CEP170: variants seen among roughly 807,000 people sequenced by gnomAD.
CEP170 encodes centrosomal protein 170.
CEP170 carries 21 observed loss-of-function variants against 151.9 expected under a neutral mutation model. That is an observed-to-expected ratio of 0.14 (90% CI 0.10 to 0.20). CEP170 has a LOEUF of 0.20. CEP170 is among the 10% of genes least tolerant of loss of function. The pLI is 1.00. For synonymous variants in CEP170, 356 were observed against 648.8 expected, an observed-to-expected ratio of 0.55 and a Z score of 6.86; for missense variants, 964 against 1,892.9, an observed-to-expected ratio of 0.51 and a Z score of 9.11.
chr1:243,180,757 G>A (rs909370237), intron 10 of CEP170, among the ~76,000 whole-genome samples: 1 of 152,184 alleles, frequency 6.6e-6, no homozygotes, highest in African/African-American at 2.4e-5. Flanking sequence ...TTCTTGAGCT[G>A]TTTGACTCAC....
intron 1 of CEP170, among the ~76,000 whole-genome samples, chr1:243,243,863 CATACACAAATGCCCTACCCCCAAAAGGA>C (rs1293235654): frequency 6.6e-6 from 1 of 152,080 alleles, no homozygotes; most frequent in Non-Finnish European, 1.5e-5. Context: ...CACACACACA[CATACACAAATGCCCTACCCCCAAAAGGA>C]ATAACTCAAT....
chr1:243,160,772 GAA>G (rs933656230), intron 13 of CEP170, among the ~76,000 whole-genome samples: 14 of 152,310 alleles, frequency 9.2e-5, no homozygotes, highest in African/African-American at 3.4e-4. Context: ...TTGACCTGGA[GAA>G]AGAGTTAACT....
intron 13 of CEP170, among the ~76,000 whole-genome samples, chr1:243,159,421 A>C (rs913176531): frequency 6.6e-6 from 1 of 152,222 alleles, no homozygotes; most frequent in African/African-American, 2.4e-5. Flanking sequence ...TTCTCAAAGA[A>C]TTTATTTCAA....
chr1:243,215,444 C>T (rs991728538), intron 3 of CEP170, among the ~76,000 whole-genome samples: 2 of 152,104 alleles, frequency 1.3e-5, no homozygotes, highest in African/African-American at 2.4e-5. Flanking sequence ...AAAGAGAATG[C>T]GTTCCTAGTG....
In CEP170 at chr1:243,191,375, G is replaced by T; in HGVS notation, c.751C>A (p.Pro251Thr). 6.2e-7 allele frequency: 1 copy of T among 1,602,558 alleles called. No homozygotes were observed. Among genetic ancestry groups the T allele is most frequent in the Non-Finnish European group, 8.5e-7 (1 of 1,174,160 alleles). The change falls in exon 8 of 20, where the codon CCA becomes ACA. Residue 251 changes from proline to threonine, a missense_variant. Coordinates refer to ENST00000366542, the MANE Select transcript of CEP170 (RefSeq NM_014812.3). ...ATAGTGCTTTCTGTTATTTGTGATG[G>T]TTGCTGGAATTCTTTTGTAGGGATT... ...FEIPTKEFQQ[P>T]SQITESTIHE... is the part of the protein sequence containing the mutation.
chr1:243,148,944 T>G (rs1326527988), intron 14 of CEP170, among the ~76,000 whole-genome samples: 1 of 152,036 alleles, frequency 6.6e-6, no homozygotes, highest in Non-Finnish European at 1.5e-5. Flanking sequence ...CCACAAAAGA[T>G]TTAGGATGGG....
chr1:243,243,273 C>T (rs2065037935), intron 1 of CEP170, among the ~76,000 whole-genome samples: 1 of 151,942 alleles, frequency 6.6e-6, no homozygotes. Context: ...AAAGCAAGGG[C>T]TCTCATTTTT....
chr1:243,163,201 C>T (rs1335751525), intron 13 of CEP170: 2 of 152,092 alleles, frequency 1.3e-5, no homozygotes, highest in South Asian at 4.1e-4. Context: ...TAGATGTAAA[C>T]CAATCAAAAA....
chr1:243,248,910 T>C (rs2065670272), intron 1 of CEP170, among the ~76,000 whole-genome samples: 2 of 152,078 alleles, frequency 1.3e-5, no homozygotes, highest in African/African-American at 2.4e-5. Flanking sequence ...CTTATCCCAT[T>C]CCTGCCTCAG....
intron 17 of CEP170, chr1:243,135,715 A>C (rs1469800871): frequency 6.4e-6 from 1 of 155,410 alleles, no homozygotes; most frequent in African/African-American, 2.4e-5. Context: ...AGAATACTTT[A>C]ATTTTCAAAT....
rs1339015023 is a variant in CEP170, at chr1:243,135,968, A to C, written c.4319+175T>G. 1.7e-5 allele frequency: 13 copies of C among 747,182 alleles called. No homozygotes were observed. The South Asian group carries it at 1.9e-4, about 11-fold the overall frequency. The allele number at this position is 747,182 out of a possible 1,614,324, so 46.3% of individuals were successfully genotyped here. On this transcript the variant is annotated intron_variant, in intron 17 of 19. Transcript: ENST00000366542. ...TTGAATAAAATCTGTAAGTCTATTT[A>C]TGTTTTGAATTACTAATAAATTTAA... is the stretch of plus-strand genomic sequence containing the variant.
Position 243,242,307 on chromosome 1 carries a change from C to T in CEP170, c.-42+12733G>A, listed in dbSNP as rs572470236. Among the ~76,000 whole-genome samples, 337 of 152,210 alleles carry T rather than the reference C, an allele frequency of 2.2e-3. 2 individuals are homozygous for T. The highest frequency in any genetic ancestry group is 7.8e-3 in the African/African-American group (325 of 41,540). On this transcript the variant is annotated intron_variant, in intron 1 of 19. Transcript: ENST00000366542. The stretch of plus-strand genomic sequence containing the variant: ...GATCTCTGCTCAATACAAGCTCCAC[C>T]TCCCGGGTTCACGCCATTCTCCTGC...
intron 11 of CEP170, among the ~76,000 whole-genome samples, chr1:243,171,085 T>C (rs546869391): frequency 2.0e-5 from 3 of 152,346 alleles, no homozygotes; most frequent in South Asian, 4.1e-4. Context: ...AGCTTTTGCT[T>C]GGCAGGGGTT....
intron 4 of CEP170, among the ~76,000 whole-genome samples, chr1:243,208,777 T>G (rs1215357357): frequency 1.3e-5 from 2 of 152,180 alleles, no homozygotes; most frequent in Non-Finnish European, 2.9e-5. Flanking sequence ...ATACCCTCAC[T>G]TCTAGTGTGT....
At chr1:243,172,663 T>C (rs768259660) in intron 11 of CEP170, 34 bp downstream of exon 11, 8 of 1,488,618 alleles carry the variant, frequency 5.4e-6, no homozygotes, top group Non-Finnish European at 7.2e-6. Context: ...TTATACTTTA[T>C]GCATTCAAAT....
intron 10 of CEP170, among the ~76,000 whole-genome samples, chr1:243,181,339 A>G (rs933237288): frequency 6.6e-6 from 1 of 152,152 alleles, no homozygotes; most frequent in Non-Finnish European, 1.5e-5. Context: ...GTAAACTTAG[A>G]TGTAAAACTT....
intron 13 of CEP170, among the ~76,000 whole-genome samples, chr1:243,157,244 A>G (rs1176989253): frequency 1.3e-5 from 2 of 152,238 alleles, no homozygotes; most frequent in Non-Finnish European, 2.9e-5. Context: ...AGTGGCAATC[A>G]CTTTCTTATT....
intron 19 of CEP170, among the ~76,000 whole-genome samples, chr1:243,127,555 T>C (rs1270657601): frequency 1.3e-5 from 2 of 152,350 alleles, no homozygotes; most frequent in East Asian, 3.9e-4. Flanking sequence ...TCATGGGGTG[T>C]ACCATAACCC....
intron 17 of CEP170, among the ~76,000 whole-genome samples, chr1:243,134,799 C>T (rs567310027): frequency 2.0e-4 from 30 of 152,012 alleles, no homozygotes; most frequent in African/African-American, 7.2e-4. Context: ...CCAGACTCAG[C>T]TATTTTTTCA....
Sources: allele counts gnomAD v4.1 joint callset (sites outside exome capture counted in the v4.1 genomes callset), GRCh38; gene constraint gnomAD v4.1.1; transcripts MANE v1.5; gene names NCBI Gene and HGNC (gene_info 2026-07-23, HGNC 2026-07-21).